The following ZSCAN9 variants were observed in gnomAD, a reference collection of about 807,000 sequenced individuals.
ZSCAN9 encodes the protein zinc finger and SCAN domain containing 9.
Under a neutral mutation model 23.0 loss-of-function variants are expected in ZSCAN9, and 19 were observed. The ratio of observed to expected loss-of-function variants is 0.83; its 90% confidence interval spans 0.58 to 1.21. The LOEUF (loss-of-function observed/expected upper bound fraction) is 1.21, where lower values mean the gene tolerates loss of function less well. Ranked by LOEUF, ZSCAN9 falls within the 50% of genes most tolerant of loss-of-function variation. ZSCAN9 has a pLI of 0.00. For synonymous variants in ZSCAN9, 155 were observed against 164.8 expected, an observed-to-expected ratio of 0.94 and a Z score of 0.46; for missense variants, 467 against 471.5, an observed-to-expected ratio of 0.99 and a Z score of 0.09.
Position 28,233,310 on chromosome 6 carries a change from T to C in ZSCAN9, c.*132T>C, listed in dbSNP as rs1760378920. On this transcript the variant is annotated 3_prime_UTR_variant, in exon 4 of 4. Coordinates refer to ENST00000252207, the MANE Select transcript of ZSCAN9 (RefSeq NM_006299.5). ...AAATCCTGACTTAAGGCCCAGGGAC[T>C]TCCTTAAAGGAAAGTTGGGTGTTTG... is the stretch of plus-strand genomic sequence containing the variant. The C allele has an allele frequency of 2.0e-6, 3 of 1,464,066 alleles. No homozygotes were observed. Among genetic ancestry groups the C allele is most frequent in the East Asian group, 2.3e-5 (1 of 43,434 alleles). 90.7% of individuals were successfully genotyped at this position (1,464,066 alleles called of 1,614,324 possible). A position where few individuals can be genotyped will look rare whatever the true frequency, so the allele number is the denominator to read the frequency against.
intron 3 of ZSCAN9, chr6:28,228,284 G>C: frequency 2.0e-6 from 1 of 500,134 alleles, no homozygotes; most frequent in East Asian, 3.6e-5. Context: ...CCACAGACTG[G>C]TTGTCTTTAA....
intron 3 of ZSCAN9, among the ~76,000 whole-genome samples, chr6:28,229,545 G>A (rs774212578): frequency 6.6e-6 from 1 of 152,126 alleles, no homozygotes; most frequent in East Asian, 1.9e-4. Context: ...GGATATCAGC[G>A]CAGGTATGTG....
intron 1 of ZSCAN9, among the ~76,000 whole-genome samples, chr6:28,225,928 A>G (rs1441287042): frequency 6.6e-6 from 1 of 152,244 alleles, no homozygotes; most frequent in African/African-American, 2.4e-5. Flanking sequence ...AGGGCCTTTC[A>G]AGCTGGAATT....
At chr6:28,226,511 G>A (rs928622849) in intron 1 of ZSCAN9, among the ~76,000 whole-genome samples, 1 of 152,152 alleles carries the variant, frequency 6.6e-6, no homozygotes, top group Non-Finnish European at 1.5e-5. Flanking sequence ...TTCATGGGCT[G>A]TTTTCCTCCA....
rs540919474 is a variant in ZSCAN9, at chr6:28,232,945, G to A, written c.952G>A (p.Val318Ile). 1.5e-5 allele frequency: 25 copies of A among 1,614,190 alleles called. No individual in the cohort carries two copies. Among genetic ancestry groups the A allele is most frequent in the Admixed American group, 3.3e-5 (2 of 60,018 alleles). The change falls in exon 4 of 4, where the codon GTC (valine) becomes ATC (isoleucine). Residue 318 changes from valine to isoleucine, a missense_variant. Transcript: ENST00000252207. ...GTACCACTGCAAGGAGTGTGGGAAG[G>A]TCTTCAGTCAGAGTGCGGGTCTTAT... ...KRYHCKECGK[V>I]FSQSAGLIQH...
chr6:28,232,313 A>G lies in ZSCAN9; in HGVS notation c.569-249A>G, dbSNP rs1035870916. ...ACCATTGCACTCCAGCCTGGGCTAC[A>G]GAGTGACACTCTGGCTCAAAAAACA... On this transcript the variant is annotated intron_variant, in intron 3 of 3. Transcript: ENST00000252207. Among the ~76,000 whole-genome samples the G allele has an allele frequency of 3.3e-5, 5 of 152,008 alleles. No individual in the cohort carries two copies. In the South Asian group the frequency reaches 1.0e-3, roughly 32 times the overall value.
rs541558712 is a variant in ZSCAN9, at chr6:28,225,875, C to T, written c.-74+509C>T. Among the ~76,000 whole-genome samples, 12 of 152,374 alleles carry T rather than the reference C, an allele frequency of 7.9e-5. No individual in the cohort carries two copies. The East Asian group carries it at 2.1e-3, about 27-fold the overall frequency. On this transcript the variant is annotated intron_variant, in intron 1 of 3. Coordinates refer to ENST00000252207, the MANE Select transcript of ZSCAN9 (RefSeq NM_006299.5). ...AGGGCATATTCTGGGTCTCCCTGTA[C>T]TTCTCTCCACCTCCCAATTCAGATT...
chr6:28,230,188 G>A (rs1238136536), intron 3 of ZSCAN9: 2 of 707,430 alleles, frequency 2.8e-6, no homozygotes, highest in Non-Finnish European at 4.4e-6. Flanking sequence ...AAAGAGATGG[G>A]ATAATAACAT....
intron 3 of ZSCAN9, among the ~76,000 whole-genome samples, chr6:28,231,247 G>A (rs1760293675): frequency 6.6e-6 from 1 of 152,136 alleles, no homozygotes; most frequent in African/African-American, 2.4e-5. Context: ...CCATTATTAA[G>A]TAAAATAAGG....
intron 3 of ZSCAN9, among the ~76,000 whole-genome samples, chr6:28,231,690 A>T (rs1760305361): frequency 6.6e-6 from 1 of 150,848 alleles, no homozygotes; most frequent in African/African-American, 2.4e-5. Context: ...GGAAGCGGAG[A>T]TTACAGTGAG....
chr6:28,231,983 A>C (rs1760313719), intron 3 of ZSCAN9, among the ~76,000 whole-genome samples: 1 of 152,164 alleles, frequency 6.6e-6, no homozygotes, highest in Non-Finnish European at 1.5e-5. Flanking sequence ...GGTGTAAGGG[A>C]ATACTCCAGA....
intron 3 of ZSCAN9, chr6:28,230,326 T>G: frequency 1.3e-6 from 2 of 1,525,180 alleles, no homozygotes; most frequent in South Asian, 1.2e-5. Flanking sequence ...AGCTCCCTTA[T>G]GGATTTCAGA....
chr6:28,227,838 G>A lies in ZSCAN9; in HGVS notation c.568+1G>A. 2 of 1,613,476 alleles carry A rather than the reference G, an allele frequency of 1.2e-6. No individual in the cohort carries two copies. Among genetic ancestry groups the A allele is most frequent in the Non-Finnish European group, 1.7e-6 (2 of 1,179,846 alleles). On this transcript the variant is annotated splice_donor_variant, in intron 3 of 3. Transcript: ENST00000252207. LOFTEE classifies it high-confidence loss of function. ...AAGTGCCATTCTATTGGAGAGACAG[G>A]TGAGGGACAGCATTTATTTGATGTT...
intron 2 of ZSCAN9, 59 bp from the exon 3 acceptor site, chr6:28,227,631 A>G: frequency 6.3e-7 from 1 of 1,579,204 alleles, no homozygotes; most frequent in Non-Finnish European, 8.5e-7. Context: ...CTTTCTTGGA[A>G]GTGTTTATTT....
At chr6:28,229,838 A>G (rs1760239776) in intron 3 of ZSCAN9, among the ~76,000 whole-genome samples, 1 of 151,202 alleles carries the variant, frequency 6.6e-6, no homozygotes, top group Admixed American at 6.6e-5. Flanking sequence ...CTACCCATAT[A>G]TATGTATCTT....
chr6:28,228,014 C>T, intron 3 of ZSCAN9, 177 bp downstream of exon 3: 1 of 791,700 alleles, frequency 1.3e-6, no homozygotes, highest in South Asian at 1.4e-5. Context: ...TGCGTGCAGA[C>T]TTCTCCCTGA....
chr6:28,227,978 G>C, intron 3 of ZSCAN9, 141 bp downstream of exon 3: 1 of 1,021,626 alleles, frequency 9.8e-7, no homozygotes, highest in East Asian at 2.6e-5. Flanking sequence ...TGAGAGCCTA[G>C]TGTGCTCATC....
chr6:28,225,597 T>C (rs1760094929), intron 1 of ZSCAN9, among the ~76,000 whole-genome samples: 1 of 152,068 alleles, frequency 6.6e-6, no homozygotes, highest in Non-Finnish European at 1.5e-5. Flanking sequence ...GTCACCTCGG[T>C]GAATAACGAC....
chr6:28,232,948 TTCAG>T lies in ZSCAN9; in HGVS notation c.960_963del (p.Ser320ArgfsTer79). Reference sequence around the variant, plus strand: ...CCACTGCAAGGAGTGTGGGAAGGTCTTCAGTCAGAGTGCGGGTCTTATCCAGCAT... The same window carrying T: ...CCACTGCAAGGAGTGTGGGAAGGTCTTCAGAGTGCGGGTCTTATCCAGCAT... On this transcript the variant is annotated frameshift_variant, in exon 4 of 4. Transcript: ENST00000252207. LOFTEE classifies it low-confidence loss of function (END_TRUNC). 10 of 1,614,206 alleles carry T rather than the reference TTCAG, an allele frequency of 6.2e-6. No homozygotes were observed. Among genetic ancestry groups the T allele is most frequent in the Non-Finnish European group, 8.5e-6 (10 of 1,180,040 alleles).
Sources: gnomAD v4.1 joint callset for allele counts (sites outside exome capture counted in the v4.1 genomes callset) on GRCh38, gnomAD v4.1.1 for gene constraint, MANE v1.5 for transcripts, NCBI Gene and HGNC (gene_info 2026-07-23, HGNC 2026-07-21) for gene names.